Variants in SLC25A17 observed in about 807,000 individuals in gnomAD.
SLC25A17 encodes the protein peroxisomal membrane protein PMP34.
Under a neutral mutation model 38.5 loss-of-function variants are expected in SLC25A17, and 26 were observed. That is an observed-to-expected ratio of 0.68 (90% CI 0.50 to 0.94). The LOEUF (loss-of-function observed/expected upper bound fraction) is 0.94, where lower values mean the gene tolerates loss of function less well. SLC25A17 is among the 40% of genes least tolerant of loss of function. SLC25A17 has a pLI of 0.00. For synonymous variants in SLC25A17, 139 were observed against 136.2 expected (o/e 1.02, Z -0.14); for missense variants, 333 against 372.7 (o/e 0.89, Z 0.88).
chr22:40,817,602 C>G (rs2087071877), intron 1 of SLC25A17, among the ~76,000 whole-genome samples: 1 of 152,182 alleles, frequency 6.6e-6, no homozygotes, highest in African/African-American at 2.4e-5. Context: ...TCAACCAACC[C>G]TCATTTTATA....
intron 2 of SLC25A17, among the ~76,000 whole-genome samples, chr22:40,798,446 C>T (rs1488736832): frequency 6.6e-6 from 1 of 151,986 alleles, no homozygotes; most frequent in African/African-American, 2.4e-5. Flanking sequence ...CTTCCTTCCC[C>T]ACTGTAATCT....
chr22:40,809,908 T>C (rs1221849232), intron 1 of SLC25A17, among the ~76,000 whole-genome samples: 4 of 152,256 alleles, frequency 2.6e-5, no homozygotes, highest in African/African-American at 7.2e-5. Context: ...GAAAACTCTA[T>C]AAAAAGGTAA....
chr22:40,796,605 G>C (rs2057432414), intron 2 of SLC25A17, among the ~76,000 whole-genome samples: 1 of 146,276 alleles, frequency 6.8e-6, no homozygotes, highest in African/African-American at 2.6e-5. Flanking sequence ...GGGTAAGAGA[G>C]ACTCTGTCTC....
In SLC25A17 at chr22:40,777,312, G is replaced by C. The variant is rs749337377; in HGVS notation, c.513C>G (p.Pro171=). ...GISALWNGTF[P]SLLLVFNPAI... Reference sequence around the variant, plus strand: ...CAGGATTGAAGACCAACAGCAATGAGGGAAATGTGCCATTCCATAAAGCCG... The same window carrying C: ...CAGGATTGAAGACCAACAGCAATGACGGAAATGTGCCATTCCATAAAGCCG... Residue 171 remains proline, a synonymous_variant, in exon 6 of 9, where the codon CCC becomes CCG. Transcript: ENST00000435456. 10 of 1,614,144 alleles carry C rather than the reference G, an allele frequency of 6.2e-6. No individual in the cohort carries two copies. The highest frequency in any genetic ancestry group is 8.5e-6 in the Non-Finnish European group (10 of 1,179,972).
intron 1 of SLC25A17, among the ~76,000 whole-genome samples, chr22:40,807,288 C>T (rs962794442): frequency 3.9e-5 from 6 of 152,152 alleles, no homozygotes; most frequent in Non-Finnish European, 8.8e-5. Context: ...GAAGCAGGCA[C>T]TATCATTCTC....
chr22:40,788,099 C>A (rs1439634846), intron 4 of SLC25A17, among the ~76,000 whole-genome samples: 1 of 152,174 alleles, frequency 6.6e-6, no homozygotes, highest in Non-Finnish European at 1.5e-5. Flanking sequence ...TAGAAGTACG[C>A]ACTACACAAG....
At chr22:40,788,935 C>A (rs2057361372) in intron 4 of SLC25A17, 2 of 307,776 alleles carry the variant, frequency 6.5e-6, no homozygotes, top group South Asian at 4.1e-5. Context: ...CTTTTCTGGT[C>A]TGAGGTAGCC....
intron 2 of SLC25A17, chr22:40,798,239 C>G (rs1311050364): frequency 6.6e-6 from 1 of 152,434 alleles, no homozygotes; most frequent in Non-Finnish European, 1.5e-5. Flanking sequence ...TTGTCAGCAA[C>G]AACTGGGCAA....
intron 2 of SLC25A17, chr22:40,797,382 T>C (rs749527797): frequency 1.1e-5 from 12 of 1,103,540 alleles, no homozygotes; most frequent in Non-Finnish European, 1.5e-5. Flanking sequence ...TAGAGTCCCA[T>C]AAAGCTGCAA....
intron 4 of SLC25A17, among the ~76,000 whole-genome samples, chr22:40,785,719 T>G (rs1030172519): frequency 6.6e-6 from 1 of 152,068 alleles, no homozygotes; most frequent in African/African-American, 2.4e-5. Flanking sequence ...CTTTTTAAAA[T>G]TTTTTTCTAA....
intron 7 of SLC25A17, among the ~76,000 whole-genome samples, chr22:40,775,503 C>CCGGACTG (rs1273542713): frequency 7.4e-6 from 1 of 135,750 alleles, no homozygotes; most frequent in Non-Finnish European, 1.5e-5. Flanking sequence ...GTCGCCCAGG[C>CCGGACTG]CGGACTGCGG....
chr22:40,794,645 A>C, intron 2 of SLC25A17, 65 bp from the exon 3 acceptor site: 1 of 916,840 alleles, frequency 1.1e-6, no homozygotes, highest in East Asian at 2.9e-5. Flanking sequence ...TTTGAGACAG[A>C]GTCTCACTCT....
intron 8 of SLC25A17, among the ~76,000 whole-genome samples, chr22:40,772,761 T>C (rs1240493525): frequency 6.6e-6 from 1 of 151,960 alleles, no homozygotes; most frequent in African/African-American, 2.4e-5. Context: ...TTCAGCCTCG[T>C]GTGTAGCTGT....
chr22:40,802,855 C>T (rs1185804584), intron 1 of SLC25A17, among the ~76,000 whole-genome samples: 2 of 152,018 alleles, frequency 1.3e-5, no homozygotes, highest in Non-Finnish European at 2.9e-5. Context: ...TAAAAGAATA[C>T]CACAGTGAGA....
chr22:40,800,063 A>G (rs2057467400), intron 1 of SLC25A17, among the ~76,000 whole-genome samples: 1 of 152,242 alleles, frequency 6.6e-6, no homozygotes, highest in African/African-American at 2.4e-5. Flanking sequence ...TTGAAAGGAC[A>G]GGTAAGAATC....
intron 1 of SLC25A17, among the ~76,000 whole-genome samples, chr22:40,814,790 T>TATATATATATATATATATATATATA (rs56313372): frequency 1.7e-5 from 2 of 118,964 alleles, no homozygotes; most frequent in African/African-American, 6.7e-5. Context: ...TATATATATA[T>TATATATATATATATATATATATATA]TGTTGTTGTT....
intron 5 of SLC25A17, 144 bp downstream of exon 5, chr22:40,778,865 T>G (rs1569400442): frequency 1.5e-6 from 1 of 675,166 alleles, no homozygotes; most frequent in Non-Finnish European, 2.5e-6. Flanking sequence ...ACAAAGAACT[T>G]AAACAAATTT....
chr22:40,783,917 G>A (rs2057315105), intron 4 of SLC25A17, among the ~76,000 whole-genome samples: 1 of 152,088 alleles, frequency 6.6e-6, no homozygotes, highest in Non-Finnish European at 1.5e-5. Flanking sequence ...TGTTGGCCAG[G>A]TTGGTCTCAA....
chr22:40,801,957 AT>A (rs1168957258), intron 1 of SLC25A17, among the ~76,000 whole-genome samples: 5 of 151,902 alleles, frequency 3.3e-5, no homozygotes, highest in Non-Finnish European at 7.4e-5. Context: ...TGCCCAGCTA[AT>A]TTTTTGTATT....
Sources: gnomAD v4.1 joint callset for allele counts (sites outside exome capture counted in the v4.1 genomes callset) on GRCh38, gnomAD v4.1.1 for gene constraint, MANE v1.5 for transcripts, NCBI Gene and HGNC (gene_info 2026-07-23, HGNC 2026-07-21) for gene names.